TRDN: variants seen among roughly 807,000 people sequenced by gnomAD.
The protein encoded by TRDN is triadin in skeletal muscle.
TRDN carries 161 observed loss-of-function variants against 149.7 expected under a neutral mutation model. The ratio of observed to expected loss-of-function variants is 1.08; its 90% CI spans 0.95 to 1.23. TRDN has a LOEUF of 1.23. Among genes scored for constraint, TRDN ranks in the 50% most tolerant of loss-of-function variants. TRDN has a pLI of 0.00. For synonymous variants in TRDN, 294 were observed against 250.5 expected (o/e 1.17, Z -1.64); for missense variants, 896 against 823.5 (o/e 1.09, Z -1.08).
At chr6:123,542,462 A>G (rs938554467) in intron 4 of TRDN, among the ~76,000 whole-genome samples, 4 of 152,220 alleles carry the variant, frequency 2.6e-5, no homozygotes, top group Admixed American at 6.5e-5. Flanking sequence ...TTAAAGCTAG[A>G]TGTCAGGAAA....
chr6:123,284,414 C>G (rs1044077918), intron 24 of TRDN, among the ~76,000 whole-genome samples: 1 of 151,832 alleles, frequency 6.6e-6, no homozygotes, highest in African/African-American at 2.4e-5. Flanking sequence ...AAACAAAAAT[C>G]ACATGATCAT....
rs944466598 is a variant in TRDN at position 123,259,759 on chromosome 6, A to G, written c.1832-97T>C. The G allele has an allele frequency of 1.7e-5, 14 of 827,116 alleles. No homozygotes were observed. The African/African-American group carries it at 2.3e-4, about 14-fold the overall frequency. The allele number at this position is 827,116 out of a possible 1,614,324, so 51.2% of individuals were successfully genotyped here. A position where few individuals can be genotyped will look rare whatever the true frequency, so the allele number is the denominator to read the frequency against. On this transcript the variant is annotated intron_variant, in intron 34 of 40. Coordinates refer to ENST00000334268, the MANE Select transcript of TRDN (RefSeq NM_006073.4). ...ACAGTTGGAGATGAGACTTAATCTTATGAGTGGAGGGAGTCAGGGCTCTCT... is the reference window on the plus strand; with the variant it reads ...ACAGTTGGAGATGAGACTTAATCTTGTGAGTGGAGGGAGTCAGGGCTCTCT...
rs562348870 is a variant in TRDN, at chr6:123,583,694, T to C, written c.23-12562A>G. Among the ~76,000 whole-genome samples the C allele has an allele frequency of 8.0e-4, 121 of 152,100 alleles. 1 individual carries two copies. Among genetic ancestry groups the C allele is most frequent in the African/African-American group, 2.6e-3 (107 of 41,466 alleles). On this transcript the variant is annotated intron_variant, in intron 1 of 40. Coordinates refer to ENST00000334268, the MANE Select transcript of TRDN (RefSeq NM_006073.4). ...TCTGACAGAAGGGAAAAAATGACTGTGGTGGCCTTCTCAGACCCTGTAGGA... is the reference window on the plus strand; with the variant it reads ...TCTGACAGAAGGGAAAAAATGACTGCGGTGGCCTTCTCAGACCCTGTAGGA...
At chr6:123,529,209 G>T in intron 5 of TRDN, 13 of 1,548,232 alleles carry the variant, frequency 8.4e-6, no homozygotes, top group Non-Finnish European at 1.1e-5. Flanking sequence ...TTGAGTTTCT[G>T]TTTAACCTTC....
Position 123,348,750 on chromosome 6 carries a change from T to C in TRDN, c.1369+3789A>G, listed in dbSNP as rs139086883. On this transcript the variant is annotated intron_variant, in intron 21 of 40. Transcript: ENST00000334268. ...AAGGTAAATATTAATCGATAAAAAA[T>C]GAAATTAGCAGCTCAATAATCTTAA... 2.0e-4 allele frequency among the ~76,000 whole-genome samples: 31 copies of C among 152,154 alleles called. No individual in the cohort carries two copies. The East Asian group carries it at 5.2e-3, about 26-fold the overall frequency.
intron 35 of TRDN, among the ~76,000 whole-genome samples, chr6:123,259,078 C>CA (rs1310979600): frequency 6.6e-6 from 1 of 151,644 alleles, no homozygotes; most frequent in East Asian, 1.9e-4. Context: ...TTAATCTTTT[C>CA]AAAAAAACAG....
intron 40 of TRDN, among the ~76,000 whole-genome samples, chr6:123,219,367 A>G (rs1439980560): frequency 4.0e-5 from 6 of 151,828 alleles, no homozygotes; most frequent in Non-Finnish European, 5.9e-5. Context: ...GCTCCCAGGT[A>G]GCAGCTTTGG....
intron 19 of TRDN, among the ~76,000 whole-genome samples, chr6:123,372,074 C>CT (rs1013988733): frequency 6.6e-6 from 1 of 152,006 alleles, no homozygotes; most frequent in Non-Finnish European, 1.5e-5. Context: ...AGTGTGTGGT[C>CT]TAGAGACAAC....
intron 5 of TRDN, among the ~76,000 whole-genome samples, chr6:123,519,473 G>GTTTTTTTTTTTTTTTTTTTTTTTTTT (rs762378636): frequency 4.1e-5 from 3 of 73,988 alleles, no homozygotes; most frequent in Admixed American, 1.9e-4. Context: ...TGACCCTGTG[G>GTTTTTTTTTTTTTTTTTTTTTTTTTT]TTTTTTTTTT....
intron 38 of TRDN, among the ~76,000 whole-genome samples, chr6:123,238,475 T>C (rs1775871327): frequency 6.6e-6 from 1 of 151,848 alleles, no homozygotes; most frequent in Admixed American, 6.6e-5. Flanking sequence ...CAAAATGGAA[T>C]AATAAAAACA....
chr6:123,591,058 A>T (rs543011093), intron 1 of TRDN, among the ~76,000 whole-genome samples: 158 of 152,298 alleles, frequency 1.0e-3, no homozygotes, highest in African/African-American at 3.4e-3. Flanking sequence ...TGTCAGTAAT[A>T]TAAATTGGCA....
intron 4 of TRDN, among the ~76,000 whole-genome samples, chr6:123,542,849 T>C (rs1315631598): frequency 7.3e-6 from 1 of 136,204 alleles, no homozygotes. Context: ...TCTGAGTGTG[T>C]GCATGTTTGC....
intron 12 of TRDN, among the ~76,000 whole-genome samples, chr6:123,420,200 AT>A (rs1394622810): frequency 6.6e-6 from 1 of 152,156 alleles, no homozygotes; most frequent in East Asian, 1.9e-4. Context: ...TATTTTTGCT[AT>A]TTTTGGATAG....
chr6:123,554,066 G>T (rs1781528824), intron 2 of TRDN, among the ~76,000 whole-genome samples: 1 of 152,034 alleles, frequency 6.6e-6, no homozygotes, highest in Non-Finnish European at 1.5e-5. Context: ...AGCGAACCTT[G>T]GTAAGGTCCA....
chr6:123,443,359 G>T (rs566334884), intron 10 of TRDN, among the ~76,000 whole-genome samples: 23 of 152,022 alleles, frequency 1.5e-4, no homozygotes, highest in African/African-American at 5.3e-4. Flanking sequence ...GTGGATCAGG[G>T]TAAACCTTTC....
At position 123,378,030 on chromosome 6, in the gene TRDN, A is replaced by G. The variant is rs1009553606; in HGVS notation, c.1187-132T>C. On this transcript the variant is annotated intron_variant, in intron 16 of 40. Coordinates refer to ENST00000334268, the MANE Select transcript of TRDN (RefSeq NM_006073.4). ...ATTGCAGCAACTAATAATGGCTTACATAAAAAGGCTAAGATTATATACTTA... is the reference window on the plus strand; with the variant it reads ...ATTGCAGCAACTAATAATGGCTTACGTAAAAAGGCTAAGATTATATACTTA... 7 of 582,474 alleles carry G rather than the reference A, an allele frequency of 1.2e-5. No homozygotes were observed. The African/African-American group carries it at 1.3e-4, about 11-fold the overall frequency. 36.1% of individuals were successfully genotyped at this position (582,474 alleles called of 1,614,324 possible).
At chr6:123,266,262 T>A (rs1224951722) in intron 32 of TRDN, among the ~76,000 whole-genome samples, 2 of 96,134 alleles carry the variant, frequency 2.1e-5, no homozygotes, top group Non-Finnish European at 3.7e-5. Flanking sequence ...TATTATATAT[T>A]ATATATAGTA....
At chr6:123,227,042 A>T (rs143182532) in intron 38 of TRDN, among the ~76,000 whole-genome samples, 1 of 151,982 alleles carries the variant, frequency 6.6e-6, no homozygotes, top group East Asian at 1.9e-4. Context: ...AACTTGGATA[A>T]GATTATCATG....
intron 24 of TRDN, among the ~76,000 whole-genome samples, chr6:123,303,282 A>G (rs535949528): frequency 2.0e-5 from 3 of 150,558 alleles, no homozygotes; most frequent in Non-Finnish European, 3.0e-5. Flanking sequence ...AACAGATTTT[A>G]AAAAAATTAT....
Sources: allele counts gnomAD v4.1 joint callset (sites outside exome capture counted in the v4.1 genomes callset), GRCh38; gene constraint gnomAD v4.1.1; transcripts MANE v1.5; gene names NCBI Gene and HGNC (gene_info 2026-07-23, HGNC 2026-07-21).